PRKCE: variants seen among roughly 807,000 people sequenced by gnomAD.
The protein encoded by PRKCE is protein kinase C epsilon type.
Under a neutral mutation model 85.4 loss-of-function variants are expected in PRKCE, and 16 were observed. The ratio of observed to expected loss-of-function variants is 0.19; its 90% CI spans 0.13 to 0.28. The LOEUF (loss-of-function observed/expected upper bound fraction) is 0.28. Among genes scored for constraint, PRKCE ranks in the 10% least tolerant of loss-of-function variants. PRKCE has a pLI of 1.00. For synonymous variants in PRKCE, 388 were observed against 371.5 expected (o/e 1.04, Z -0.51); for missense variants, 573 against 975.2 (o/e 0.59, Z 5.49).
intron 2 of PRKCE, among the ~76,000 whole-genome samples, chr2:45,856,266 T>G (rs1410907421): frequency 6.6e-6 from 1 of 152,184 alleles, no homozygotes; most frequent in Non-Finnish European, 1.5e-5. Flanking sequence ...AGTCTTACTC[T>G]GTCACCCAGG....
At chr2:45,957,481 T>C (rs1701049263) in intron 2 of PRKCE, among the ~76,000 whole-genome samples, 1 of 121,504 alleles carries the variant, frequency 8.2e-6, no homozygotes, top group African/African-American at 5.3e-5. Flanking sequence ...ATGTGTTTGT[T>C]TTTTGTTGTA....
intron 1 of PRKCE, among the ~76,000 whole-genome samples, chr2:45,763,602 T>G (rs1684686510): frequency 1.3e-5 from 2 of 151,866 alleles, no homozygotes; most frequent in South Asian, 2.1e-4. Context: ...TTAGTAATAC[T>G]CAGTGTAGGG....
At chr2:45,714,233 C>G (rs562470699) in intron 1 of PRKCE, among the ~76,000 whole-genome samples, 205 of 152,214 alleles carry the variant, frequency 1.3e-3, no homozygotes, top group African/African-American at 4.4e-3. Flanking sequence ...CATAAGAACA[C>G]ATAGAAAGGG....
At chr2:45,956,678 C>T (rs370815636) in intron 2 of PRKCE, among the ~76,000 whole-genome samples, 2 of 152,074 alleles carry the variant, frequency 1.3e-5, no homozygotes, top group African/African-American at 4.8e-5. Flanking sequence ...GAGCGAGACT[C>T]GGTCTCACAC....
Position 45,704,050 on chromosome 2 carries a change from G to A in PRKCE, c.348+51602G>A, listed in dbSNP as rs1475558355. 2.6e-5 allele frequency among the ~76,000 whole-genome samples: 4 copies of A among 152,172 alleles called. No individual in the cohort carries two copies. In the South Asian group the frequency reaches 6.2e-4, roughly 24 times the overall value. ...TATCCATTAACCAAACATTCATTGAGCATTTACTTAGTGCCAGGCCCAGAG... is the reference window on the plus strand; with the variant it reads ...TATCCATTAACCAAACATTCATTGAACATTTACTTAGTGCCAGGCCCAGAG... On this transcript the variant is annotated intron_variant, in intron 1 of 14. Transcript: ENST00000306156.
intron 1 of PRKCE, among the ~76,000 whole-genome samples, chr2:45,681,288 CAAAAAAAAAAAAAA>C (rs10532828): frequency 6.5e-5 from 4 of 61,770 alleles, no homozygotes; most frequent in Admixed American, 2.4e-4. Context: ...GACTCTGTCT[CAAAAAAAAAAAAAA>C]AAAAAAAAAA....
chr2:45,950,143 A>T (rs777482687), intron 2 of PRKCE, among the ~76,000 whole-genome samples: 1 of 152,220 alleles, frequency 6.6e-6, no homozygotes, highest in Non-Finnish European at 1.5e-5. Context: ...CTTAGAAAAT[A>T]TGTCTCTAAT....
intron 6 of PRKCE, among the ~76,000 whole-genome samples, chr2:45,985,048 T>C (rs1393945830): frequency 2.0e-5 from 3 of 152,136 alleles, no homozygotes; most frequent in African/African-American, 7.2e-5. Flanking sequence ...GAGGTGTGAA[T>C]TGAGGCTTTT....
At chr2:45,737,780 C>T (rs977441610) in intron 1 of PRKCE, among the ~76,000 whole-genome samples, 13 of 152,152 alleles carry the variant, frequency 8.5e-5, no homozygotes, top group Admixed American at 6.5e-4. Context: ...CTCACCTCCA[C>T]CTGGGGCCTA....
chr2:45,904,061 A>G (rs1696789946), intron 2 of PRKCE, among the ~76,000 whole-genome samples: 1 of 151,692 alleles, frequency 6.6e-6, no homozygotes, highest in African/African-American at 2.4e-5. Flanking sequence ...GCACTACCAC[A>G]CCCAGGTAAT....
At chr2:46,177,728 T>C (rs1413528334) in intron 14 of PRKCE, among the ~76,000 whole-genome samples, 1 of 152,212 alleles carries the variant, frequency 6.6e-6, no homozygotes, top group Non-Finnish European at 1.5e-5. Flanking sequence ...ACATATCTTT[T>C]TGGGGAGACA....
At chr2:45,794,237 C>T (rs541688340) in intron 1 of PRKCE, among the ~76,000 whole-genome samples, 5 of 152,192 alleles carry the variant, frequency 3.3e-5, no homozygotes, top group South Asian at 2.1e-4. Context: ...TTTTAAAAAG[C>T]GATTGCTCAT....
rs970360713 is a variant in PRKCE, at chr2:46,184,659, C to A, written c.2068-76C>A. ...TGCTTTGGTGACAGGCTGGTCAGTG[C>A]GGTGCCCACTCCCCATGGGGGGCCC... On this transcript the variant is annotated intron_variant, in intron 14 of 14. Transcript: ENST00000306156. This position sits in a 1 kb window ranked among gnomAD's most constrained non-coding sequence, Gnocchi z 5.0. 20 of 1,546,740 alleles carry A rather than the reference C, an allele frequency of 1.3e-5. No homozygotes were observed. The East Asian group carries it at 3.6e-4, about 28-fold the overall frequency.
chr2:45,754,268 C>A (rs1432192935), intron 1 of PRKCE, among the ~76,000 whole-genome samples: 2 of 152,154 alleles, frequency 1.3e-5, no homozygotes, highest in Non-Finnish European at 2.9e-5. Context: ...TATTTTCTTT[C>A]ATCTGAAGAG....
At chr2:45,667,648 C>T (rs779047763) in intron 1 of PRKCE, among the ~76,000 whole-genome samples, 2 of 152,090 alleles carry the variant, frequency 1.3e-5, no homozygotes, top group Non-Finnish European at 2.9e-5. Flanking sequence ...TTATCTTTTA[C>T]TTCAGCATTA....
chr2:46,087,033 G>T (rs1224164741), intron 11 of PRKCE, among the ~76,000 whole-genome samples: 2 of 152,182 alleles, frequency 1.3e-5, no homozygotes, highest in Non-Finnish European at 2.9e-5. Flanking sequence ...GGAATTCTGG[G>T]AGGAGTAAAT....
At chr2:45,893,724 C>T (rs1324126040) in intron 2 of PRKCE, among the ~76,000 whole-genome samples, 1 of 152,120 alleles carries the variant, frequency 6.6e-6, no homozygotes, top group Non-Finnish European at 1.5e-5. Context: ...TCATGGGCCA[C>T]TCTTATTTGC....
At chr2:45,791,101 G>C (rs889865613) in intron 1 of PRKCE, among the ~76,000 whole-genome samples, 1 of 152,234 alleles carries the variant, frequency 6.6e-6, no homozygotes, top group Non-Finnish European at 1.5e-5. Flanking sequence ...AAGGTTTTGT[G>C]TAGAGGTCTC....
chr2:46,009,784 T>G (rs1297034089), intron 9 of PRKCE, among the ~76,000 whole-genome samples: 2 of 152,242 alleles, frequency 1.3e-5, no homozygotes, highest in Non-Finnish European at 2.9e-5. Context: ...AAATTATATT[T>G]ACTTGAATTG....
Sources: gnomAD v4.1 joint callset for allele counts (sites outside exome capture counted in the v4.1 genomes callset) on GRCh38, gnomAD v4.1.1 for gene constraint, Gnocchi (gnomAD v3.1) non-coding constraint, MANE v1.5 for transcripts, NCBI Gene and HGNC (gene_info 2026-07-23, HGNC 2026-07-21) for gene names.